ELOF1: variants seen among roughly 807,000 people sequenced by gnomAD.
ELOF1 encodes the protein elongation factor 1, also known as transcription elongation factor 1 homolog.
A neutral mutation model predicts 7.1 loss-of-function variants in ELOF1; 4 were observed. That is an observed-to-expected ratio of 0.56 (90% CI 0.28 to 1.29). The LOEUF is 1.29. ELOF1 is among the 50% of genes most tolerant of loss of function. The pLI, the probability that ELOF1 is intolerant of heterozygous loss-of-function variation, is 0.10. For missense variants in ELOF1, 59 were observed against 86.3 expected (o/e 0.68, Z 1.25); for synonymous variants, 31 against 31.9 (o/e 0.97, Z 0.09).
In ELOF1 at chr19:11,554,017, T is replaced by C. The variant is rs752045865; in HGVS notation, c.181A>G (p.Ile61Val). Residue 61 changes from isoleucine to valine, a missense_variant, in exon 3 of 4, where the codon ATA (isoleucine) becomes GTA (valine). Transcript: ENST00000586683. ...CCCAGGTTTCCAAGGATACACGTTA[T>C]GGGCGTCTGGAATTCCTCTAGGCAC... The C allele has an allele frequency of 3.1e-6, 5 of 1,614,170 alleles. No homozygotes were observed. The Admixed American group carries it at 8.3e-5, about 27-fold the overall frequency.
chr19:11,555,930 C>T (rs1972826852), intron 1 of ELOF1, among the ~76,000 whole-genome samples: 1 of 151,848 alleles, frequency 6.6e-6, no homozygotes, highest in South Asian at 2.1e-4. Flanking sequence ...GTGGCGGGGA[C>T]ATAGTGGCTA....
At chr19:11,553,308 T>C (rs1972757684) in intron 3 of ELOF1, 3 of 428,022 alleles carry the variant, frequency 7.0e-6, no homozygotes, top group South Asian at 7.7e-5. Context: ...GGAGAGGTCC[T>C]GTTCCAGCCT....
chr19:11,553,739 T>C, intron 3 of ELOF1: 1 of 1,614,210 alleles, frequency 6.2e-7, no homozygotes, highest in Non-Finnish European at 8.5e-7. Flanking sequence ...GCGGGTCCTC[T>C]GTGTCGCTAC....
At chr19:11,554,178 C>G in intron 2 of ELOF1, 54 bp downstream of exon 2, 2 of 1,613,770 alleles carry the variant, frequency 1.2e-6, no homozygotes, top group Non-Finnish European at 1.7e-6. Flanking sequence ...GGATGGAGAA[C>G]AGCGGGGAAG....
At chr19:11,556,127 T>A (rs1972830464) in intron 1 of ELOF1, among the ~76,000 whole-genome samples, 2 of 152,120 alleles carry the variant, frequency 1.3e-5, no homozygotes, top group African/African-American at 2.4e-5. Flanking sequence ...CAGGGCACTG[T>A]GTTTGCCATC....
chr19:11,554,341 G>A (rs755727195), exon 2 of ELOF1: 51 of 1,613,704 alleles, frequency 3.2e-5, no homozygotes, highest in South Asian at 4.4e-5. Context: ...GACTTTCTGC[G>A]CCCCATGTCT....
At chr19:11,559,070 CT>C (rs1366917296) in intron 1 of ELOF1, 120 bp downstream of exon 1, 1 of 152,094 alleles carries the variant, frequency 6.6e-6, no homozygotes, top group Non-Finnish European at 1.5e-5. Flanking sequence ...CCCCGACCGG[CT>C]TTCCCCCAAG....
chr19:11,555,915 A>C (rs528466284), intron 1 of ELOF1, among the ~76,000 whole-genome samples: 10 of 152,262 alleles, frequency 6.6e-5, no homozygotes, highest in African/African-American at 2.4e-4. Flanking sequence ...ATGACTCCCA[A>C]GGTTGTGGCG....
chr19:11,553,465 G>A (rs1051989303), intron 3 of ELOF1: 1 of 583,110 alleles, frequency 1.7e-6, no homozygotes, highest in Non-Finnish European at 3.1e-6. Flanking sequence ...AGGCCCCTCA[G>A]GCCCAGGAAC....
At chr19:11,555,731 G>A (rs1291292134) in intron 1 of ELOF1, 3 of 152,550 alleles carry the variant, frequency 2.0e-5, no homozygotes, top group African/African-American at 7.2e-5. Context: ...TACAAGGAGT[G>A]AAAGGACAAA....
At chr19:11,558,881 A>AGC (rs1972873527) in intron 1 of ELOF1, 2 of 152,178 alleles carry the variant, frequency 1.3e-5, no homozygotes, top group Non-Finnish European at 2.9e-5. Flanking sequence ...TAAGTCCAAG[A>AGC]GCGCCAAAAG....
intron 1 of ELOF1, among the ~76,000 whole-genome samples, chr19:11,558,502 G>A (rs1268706975): frequency 6.6e-6 from 1 of 151,990 alleles, no homozygotes; most frequent in African/African-American, 2.4e-5. Flanking sequence ...ATCACTTTGG[G>A]AGGCCCAGGT....
intron 3 of ELOF1, chr19:11,553,764 G>A (rs139453256): frequency 2.1e-5 from 34 of 1,613,974 alleles, no homozygotes; most frequent in Admixed American, 8.3e-5. Context: ...TGGCCGCCTC[G>A]CAGGCGTCTA....
chr19:11,553,690 C>G, intron 3 of ELOF1: 5 of 1,609,594 alleles, frequency 3.1e-6, no homozygotes, highest in Non-Finnish European at 4.2e-6. Flanking sequence ...GGACCAGAAC[C>G]GAACAGCTGG....
At chr19:11,556,534 C>T (rs1172471692) in intron 1 of ELOF1, among the ~76,000 whole-genome samples, 1 of 152,086 alleles carries the variant, frequency 6.6e-6, no homozygotes, top group Non-Finnish European at 1.5e-5. Context: ...CTCCTGACCT[C>T]GTGATCCGCC....
intron 1 of ELOF1, 148 bp from the exon 2 acceptor site, chr19:11,554,513 T>C (rs1044195644): frequency 2.6e-6 from 3 of 1,156,026 alleles, no homozygotes; most frequent in African/African-American, 1.6e-5. Flanking sequence ...TCAGTCCTGA[T>C]GCAGGAGGAC....
At chr19:11,553,303 G>A (rs973939040) in intron 3 of ELOF1, 7 of 420,456 alleles carry the variant, frequency 1.7e-5, no homozygotes, top group Admixed American at 7.8e-5. Flanking sequence ...AGGCTGGAGA[G>A]GTCCTGTTCC....
intron 2 of ELOF1, 47 bp downstream of exon 2, chr19:11,554,185 G>C (rs1972789404): frequency 6.2e-7 from 1 of 1,613,492 alleles, no homozygotes; most frequent in Non-Finnish European, 8.5e-7. Flanking sequence ...GAACAGCGGG[G>C]AAGAGGCAGT....
rs531082866 is a variant in ELOF1 at position 11,555,037 on chromosome 19, T to A, written c.-18-672A>T. On this transcript the variant is annotated intron_variant, in intron 1 of 3. Coordinates refer to ENST00000586683, the Ensembl canonical transcript of ELOF1. ...ACTTTGGGAGGCTGAGGCGGGCGGATCACGAGGTCAGGAGTTCGAGACCAG... is the reference window on the plus strand; with the variant it reads ...ACTTTGGGAGGCTGAGGCGGGCGGAACACGAGGTCAGGAGTTCGAGACCAG... The A allele has an allele frequency of 7.1e-5, 11 of 155,610 alleles. No homozygotes were observed. In the Admixed American group the frequency reaches 7.3e-4, roughly 10 times the overall value. 9.6% of individuals were successfully genotyped at this position (155,610 alleles called of 1,614,324 possible). A position where few individuals can be genotyped will look rare whatever the true frequency, so the allele number is the denominator to read the frequency against.
Sources: allele counts gnomAD v4.1 joint callset (sites outside exome capture counted in the v4.1 genomes callset), GRCh38; gene constraint gnomAD v4.1.1; transcripts MANE v1.5; gene names NCBI Gene and HGNC (gene_info 2026-07-23, HGNC 2026-07-21).